TAB2: variants seen among roughly 807,000 people sequenced by gnomAD.
The protein encoded by TAB2 is TGF-beta activated kinase 1 (MAP3K7) binding protein 2.
In TAB2, 3 loss-of-function variants were observed where a neutral mutation model predicts 65.0. The ratio of observed to expected loss-of-function variants is 0.05; its 90% CI spans 0.02 to 0.12. The LOEUF (loss-of-function observed/expected upper bound fraction) is 0.12, where lower values mean the gene tolerates loss of function less well. TAB2 is among the 10% of genes least tolerant of loss of function. The pLI is 1.00. For missense variants in TAB2, 623 were observed against 840.3 expected, an observed-to-expected ratio of 0.74 and a Z score of 3.20; for synonymous variants, 298 against 285.1, an observed-to-expected ratio of 1.05 and a Z score of -0.46.
At chr6:149,408,276 A>G (rs1266377668) in intron 6 of TAB2, among the ~76,000 whole-genome samples, 1 of 152,132 alleles carries the variant, frequency 6.6e-6, no homozygotes, top group Non-Finnish European at 1.5e-5. Context: ...TGTTTGTTTT[A>G]AAATTATTCA....
chr6:149,353,351 C>T (rs187389117), intron 1 of TAB2, among the ~76,000 whole-genome samples: 5 of 152,266 alleles, frequency 3.3e-5, no homozygotes, highest in East Asian at 1.9e-4. Flanking sequence ...TCAACAAGCA[C>T]GAAAAGGTGT....
chr6:149,264,541 T>C (rs907794333), intron 1 of TAB2, among the ~76,000 whole-genome samples: 4 of 152,166 alleles, frequency 2.6e-5, no homozygotes, highest in African/African-American at 7.2e-5. Flanking sequence ...GACTGTGTAG[T>C]GATCGAGTCA....
chr6:149,340,868 A>T (rs60598581), intron 1 of TAB2, among the ~76,000 whole-genome samples: 6,231 of 152,188 alleles, frequency 0.041, 445 homozygotes, highest in African/African-American at 0.14. Flanking sequence ...ATCATTTTTT[A>T]AAATTCCTTG....
intron 1 of TAB2, among the ~76,000 whole-genome samples, chr6:149,346,260 G>A (rs565806571): frequency 2.0e-5 from 3 of 152,036 alleles, no homozygotes; most frequent in East Asian, 3.9e-4. Flanking sequence ...ACACGCCCAC[G>A]CATGCACGCA....
chr6:149,286,621 G>A (rs982497819), intron 1 of TAB2, among the ~76,000 whole-genome samples: 8 of 152,112 alleles, frequency 5.3e-5, no homozygotes, highest in African/African-American at 1.4e-4. Context: ...TCTGACAGAA[G>A]GTTTAAGCAC....
chr6:149,360,261 TG>T, intron 1 of TAB2, among the ~76,000 whole-genome samples: 1 of 152,320 alleles, frequency 6.6e-6, no homozygotes, highest in East Asian at 1.9e-4. Flanking sequence ...TACCCAAGAC[TG>T]GGTAATTTAG....
rs746705675 is a variant in TAB2 at position 149,370,113 on chromosome 6, G to A, written c.102+14G>A. 3.1e-6 allele frequency: 5 copies of A among 1,607,136 alleles called. No individual in the cohort carries two copies. In the South Asian group the frequency reaches 4.4e-5, roughly 14 times the overall value. On this transcript the variant is annotated intron_variant, in intron 2 of 6. Transcript: ENST00000637181. ...TGCATGTTACAGGTCAGTGTTCAAT[G>A]ATTTCTGAATTTGTTAATACAAACC...
At chr6:149,269,696 A>T (rs947587955) in intron 1 of TAB2, among the ~76,000 whole-genome samples, 16 of 152,242 alleles carry the variant, frequency 1.1e-4, no homozygotes, top group Non-Finnish European at 2.9e-5. Context: ...CATAAGGTGA[A>T]ATCATACAGG....
At chr6:149,302,990 T>C (rs1055063225) in intron 1 of TAB2, among the ~76,000 whole-genome samples, 6 of 152,228 alleles carry the variant, frequency 3.9e-5, no homozygotes, top group African/African-American at 9.6e-5. Flanking sequence ...TAAATTCTTA[T>C]AGGAGCACGA....
At chr6:149,306,164 G>C (rs908010574) in intron 1 of TAB2, among the ~76,000 whole-genome samples, 1 of 152,172 alleles carries the variant, frequency 6.6e-6, no homozygotes, top group African/African-American at 2.4e-5. Context: ...CCAGCACTTT[G>C]GGAGGCCAAG....
At chr6:149,250,767 ATCCTTTCCTT>A (rs749363206) in intron 1 of TAB2, among the ~76,000 whole-genome samples, 1 of 152,204 alleles carries the variant, frequency 6.6e-6, no homozygotes, top group East Asian at 1.9e-4. Flanking sequence ...TGATGAGGCT[ATCCTTTCCTT>A]TCCTTTCCTT....
At chr6:149,278,388 A>G (rs1054618253) in intron 1 of TAB2, among the ~76,000 whole-genome samples, 3 of 152,252 alleles carry the variant, frequency 2.0e-5, no homozygotes, top group African/African-American at 7.2e-5. Context: ...ACTCCAAAAC[A>G]TATGACTAGT....
chr6:149,229,186 G>A (rs991808896), intron 1 of TAB2, among the ~76,000 whole-genome samples: 3 of 152,156 alleles, frequency 2.0e-5, no homozygotes, highest in African/African-American at 7.2e-5. Flanking sequence ...GATAGGGCAG[G>A]GAGCAGGGAG....
intron 1 of TAB2, among the ~76,000 whole-genome samples, chr6:149,336,977 C>A (rs1041956642): frequency 2.0e-5 from 3 of 151,192 alleles, no homozygotes; most frequent in African/African-American, 7.3e-5. Flanking sequence ...TGAAATTTAG[C>A]ATTTACTTTT....
intron 6 of TAB2, chr6:149,400,883 TCAAAC>T (rs1782381061): frequency 1.7e-6 from 1 of 587,776 alleles, no homozygotes; most frequent in Non-Finnish European, 2.9e-6. Flanking sequence ...GCTTTTTTCT[TCAAAC>T]CAAACAGCCA....
chr6:149,357,431 ACAC>A lies in TAB2; in HGVS notation c.-89-12477_-89-12475del, dbSNP rs1419725062. ...ACTCCGTCTCAAGGAGAAAAAAAAA[ACAC>A]ACACACACACACACACACACACACA... On this transcript the variant is annotated intron_variant, in intron 1 of 6. Transcript: ENST00000637181. Among the ~76,000 whole-genome samples, 113 of 54,404 alleles carry A rather than the reference ACAC, an allele frequency of 2.1e-3. 1 individual carries two copies. Among genetic ancestry groups the A allele is most frequent in the East Asian group, 4.1e-3 (5 of 1,232 alleles). The allele number at this position is 54,404 out of a possible 152,430, so 35.7% of individuals were successfully genotyped here.
At chr6:149,237,090 T>C (rs1203289026) in intron 1 of TAB2, among the ~76,000 whole-genome samples, 1 of 152,214 alleles carries the variant, frequency 6.6e-6, no homozygotes, top group Non-Finnish European at 1.5e-5. Context: ...AAGTGTTATA[T>C]CTGAGCATAA....
chr6:149,237,454 A>G (rs181161545), intron 1 of TAB2, among the ~76,000 whole-genome samples: 189 of 152,294 alleles, frequency 1.2e-3, no homozygotes, highest in African/African-American at 4.3e-3. Context: ...GAGGCATTGC[A>G]CACAGGTGCA....
intron 1 of TAB2, among the ~76,000 whole-genome samples, chr6:149,340,653 T>C (rs907897059): frequency 1.3e-5 from 2 of 152,174 alleles, no homozygotes; most frequent in African/African-American, 4.8e-5. Context: ...TTTGATGGTC[T>C]TTAAACTGAA....
Sources: allele counts gnomAD v4.1 joint callset (sites outside exome capture counted in the v4.1 genomes callset), GRCh38; gene constraint gnomAD v4.1.1; transcripts MANE v1.5; gene names NCBI Gene and HGNC (gene_info 2026-07-23, HGNC 2026-07-21).